The following MNAT1 variants were observed in gnomAD, a reference collection of about 807,000 sequenced individuals.
The protein encoded by MNAT1 is MNAT1 component of CDK activating kinase, also known as CDK-activating kinase assembly factor MAT1.
In MNAT1, 43 loss-of-function variants were observed where a neutral mutation model predicts 42.0. The observed-to-expected ratio is 1.02, with a 90% CI of 0.80 to 1.32. The LOEUF is 1.32. Ranked by LOEUF, MNAT1 falls within the 40% of genes most tolerant of loss-of-function variation. The pLI, the probability that MNAT1 is intolerant of heterozygous loss-of-function variation, is 0.00. For synonymous variants in MNAT1, 118 were observed against 120.0 expected (o/e 0.98, Z 0.11); for missense variants, 306 against 350.4 (o/e 0.87, Z 1.01).
intron 1 of MNAT1, among the ~76,000 whole-genome samples, chr14:60,742,635 T>G (rs1896507822): frequency 6.6e-6 from 1 of 152,168 alleles, no homozygotes; most frequent in African/African-American, 2.4e-5. Context: ...CTCTCACCAC[T>G]TAGCCGTCAC....
rs145514112 is a variant in MNAT1 at position 60,890,475 on chromosome 14, C to T, written c.809+10640C>T. Among the ~76,000 whole-genome samples the T allele has an allele frequency of 2.5e-3, 374 of 152,210 alleles. 4 individuals are homozygous for T. The highest frequency in any genetic ancestry group is 6.8e-3 in the Middle Eastern group (2 of 294). On this transcript the variant is annotated intron_variant, in intron 7 of 7. Transcript: ENST00000261245. Reference sequence around the variant, plus strand: ...TGTATATATGAAGGGGAGTTTATTACGGAGTATTGACTCACACGATCACAA... The same window carrying T: ...TGTATATATGAAGGGGAGTTTATTATGGAGTATTGACTCACACGATCACAA...
At chr14:60,854,251 C>T (rs574679827) in intron 6 of MNAT1, among the ~76,000 whole-genome samples, 2 of 152,230 alleles carry the variant, frequency 1.3e-5, no homozygotes, top group African/African-American at 4.8e-5. Flanking sequence ...GAACGTGCTC[C>T]TTTAGCTCAG....
intron 1 of MNAT1, among the ~76,000 whole-genome samples, chr14:60,776,874 T>C (rs2031272888): frequency 6.6e-6 from 1 of 152,076 alleles, no homozygotes; most frequent in Non-Finnish European, 1.5e-5. Context: ...TGAGACAGAG[T>C]CTCACTCTCT....
chr14:60,882,306 TC>T (rs1227639173), intron 7 of MNAT1, among the ~76,000 whole-genome samples: 1 of 152,144 alleles, frequency 6.6e-6, no homozygotes, highest in Non-Finnish European at 1.5e-5. Flanking sequence ...ATTTTTAGCT[TC>T]CACAAATAAG....
intron 7 of MNAT1, among the ~76,000 whole-genome samples, chr14:60,914,169 T>A (rs2035457662): frequency 6.6e-6 from 1 of 152,224 alleles, no homozygotes; most frequent in African/African-American, 2.4e-5. Flanking sequence ...TTAAGCCTGT[T>A]GGAAGAGCGC....
chr14:60,946,965 T>C (rs921973947), intron 7 of MNAT1, among the ~76,000 whole-genome samples: 5 of 152,192 alleles, frequency 3.3e-5, no homozygotes, highest in South Asian at 2.1e-4. Context: ...TGTGTCCTCA[T>C]GTGGCAGAGA....
chr14:60,789,144 A>G (rs2140320550), intron 1 of MNAT1, among the ~76,000 whole-genome samples: 1 of 152,214 alleles, frequency 6.6e-6, no homozygotes, highest in East Asian at 1.9e-4. Flanking sequence ...AGGGTTATTA[A>G]TTGGCCTAAT....
intron 6 of MNAT1, among the ~76,000 whole-genome samples, chr14:60,847,125 C>T (rs568712022): frequency 1.1e-4 from 17 of 151,992 alleles, no homozygotes; most frequent in Admixed American, 3.3e-4. Context: ...TTTTATTTGC[C>T]GGGCACGGTG....
At chr14:60,842,574 A>G (rs1357759736) in intron 6 of MNAT1, among the ~76,000 whole-genome samples, 1 of 152,198 alleles carries the variant, frequency 6.6e-6, no homozygotes, top group African/African-American at 2.4e-5. Flanking sequence ...TAAGTGGGGA[A>G]TGGTCAATCT....
chr14:60,898,107 G>C (rs973471860), intron 7 of MNAT1, among the ~76,000 whole-genome samples: 3 of 33,080 alleles, frequency 9.1e-5, no homozygotes, highest in Admixed American at 8.1e-4. Flanking sequence ...GTGTGTGTGT[G>C]TGTGTGTGTG....
chr14:60,736,949 A>G (rs1463526877), intron 1 of MNAT1, among the ~76,000 whole-genome samples: 2 of 152,210 alleles, frequency 1.3e-5, no homozygotes, highest in Non-Finnish European at 2.9e-5. Context: ...TTGGCCTGCT[A>G]TGAAATACTT....
At chr14:60,858,168 T>C (rs1594808362) in intron 6 of MNAT1, among the ~76,000 whole-genome samples, 2 of 152,238 alleles carry the variant, frequency 1.3e-5, no homozygotes, top group African/African-American at 4.8e-5. Flanking sequence ...CCACAATGGT[T>C]AAACTAATTT....
At chr14:60,810,244 T>C (rs1168299002) in intron 4 of MNAT1, among the ~76,000 whole-genome samples, 5 of 152,152 alleles carry the variant, frequency 3.3e-5, no homozygotes, top group African/African-American at 1.2e-4. Flanking sequence ...CTCTCTTTCA[T>C]AGTCTTGCAA....
At chr14:60,762,215 C>T (rs937704617) in intron 1 of MNAT1, among the ~76,000 whole-genome samples, 4 of 152,084 alleles carry the variant, frequency 2.6e-5, no homozygotes, top group Non-Finnish European at 5.9e-5. Flanking sequence ...AATCTCATCC[C>T]AAAATCTCAG....
In MNAT1 at chr14:60,969,503, T is replaced by G. The variant is rs1197107803; in HGVS notation, c.*1154T>G. 2.0e-5 allele frequency: 3 copies of G among 152,180 alleles called. No homozygotes were observed. Among genetic ancestry groups the G allele is most frequent in the African/African-American group, 7.2e-5 (3 of 41,448 alleles). 9.4% of individuals were successfully genotyped at this position (152,180 alleles called of 1,614,324 possible). A position where few individuals can be genotyped will look rare whatever the true frequency, so the allele number is the denominator to read the frequency against. On this transcript the variant is annotated 3_prime_UTR_variant, in exon 8 of 8. Transcript: ENST00000261245. ...TCTTCATCTTTATTGTACTTCTATC[T>G]TTGTTAAATGAGAAAACCAAGGCAT...
At position 60,739,035 on chromosome 14, in the gene MNAT1, G is replaced by A. The variant is rs977768077; in HGVS notation, c.89+4084G>A. Among the ~76,000 whole-genome samples, 8 of 152,048 alleles carry A rather than the reference G, an allele frequency of 5.3e-5. No individual in the cohort carries two copies. In the South Asian group the frequency reaches 1.7e-3, roughly 32 times the overall value. On this transcript the variant is annotated intron_variant, in intron 1 of 7. Transcript: ENST00000261245. ...TAGGACTGCAGTCTAGATTTGACTG[G>A]GCCTGGAGTATCTGTTTCCAAGGTC...
At chr14:60,818,440 A>AT (rs1313040613) in intron 5 of MNAT1, among the ~76,000 whole-genome samples, 7 of 151,834 alleles carry the variant, frequency 4.6e-5, no homozygotes, top group Non-Finnish European at 8.8e-5. Context: ...TGATTAGCTT[A>AT]TTTTTTTCGT....
chr14:60,931,541 T>G (rs1008246819), intron 7 of MNAT1, among the ~76,000 whole-genome samples: 4 of 152,212 alleles, frequency 2.6e-5, no homozygotes, highest in African/African-American at 9.7e-5. Flanking sequence ...TGTAAAAGAT[T>G]CTGTGATAAC....
intron 7 of MNAT1, among the ~76,000 whole-genome samples, chr14:60,892,732 T>G (rs560531825): frequency 3.3e-5 from 5 of 152,254 alleles, no homozygotes; most frequent in African/African-American, 1.2e-4. Flanking sequence ...AATTCTTTGC[T>G]TATCCTCTAT....
Sources: gnomAD v4.1 joint callset for allele counts (sites outside exome capture counted in the v4.1 genomes callset) on GRCh38, gnomAD v4.1.1 for gene constraint, MANE v1.5 for transcripts, NCBI Gene and HGNC (gene_info 2026-07-23, HGNC 2026-07-21) for gene names.